TNIK: variants seen among roughly 807,000 people sequenced by gnomAD.
TNIK encodes the protein TRAF2 and NCK interacting kinase.
Under a neutral mutation model 191.3 loss-of-function variants are expected in TNIK, and 49 were observed. The ratio of observed to expected loss-of-function variants is 0.26; its 90% CI spans 0.20 to 0.32. The LOEUF is 0.32. TNIK is among the 10% of genes least tolerant of loss of function. The pLI, the probability that TNIK is intolerant of heterozygous loss-of-function variation, is 1.00. For synonymous variants in TNIK, 594 were observed against 600.9 expected (o/e 0.99, Z 0.17); for missense variants, 1,155 against 1,702.3 (o/e 0.68, Z 5.66).
chr3:171,207,996 T>C (rs1000821446), intron 4 of TNIK, among the ~76,000 whole-genome samples: 2 of 151,828 alleles, frequency 1.3e-5, no homozygotes, highest in African/African-American at 4.8e-5. Context: ...GTGGTAGCAA[T>C]AACAAAAGCA....
intron 2 of TNIK, among the ~76,000 whole-genome samples, chr3:171,231,029 T>G (rs1445826525): frequency 6.6e-6 from 1 of 152,226 alleles, no homozygotes; most frequent in Non-Finnish European, 1.5e-5. Context: ...GACTTTGCAG[T>G]AGATTTTTAA....
intron 12 of TNIK, among the ~76,000 whole-genome samples, chr3:171,146,023 G>A (rs974499479): frequency 1.3e-5 from 2 of 152,184 alleles, no homozygotes; most frequent in African/African-American, 4.8e-5. Flanking sequence ...ATAGTTTTCA[G>A]TGTGATCTCA....
In TNIK at chr3:171,453,901, A is replaced by T. The variant is rs544440379; in HGVS notation, c.57+6106T>A. Among the ~76,000 whole-genome samples, 128 of 152,350 alleles carry T rather than the reference A, an allele frequency of 8.4e-4. 1 individual carries two copies. The highest frequency in any genetic ancestry group is 3.0e-3 in the African/African-American group (125 of 41,574). On this transcript the variant is annotated intron_variant, in intron 1 of 32. Transcript: ENST00000436636. ...AATCATGTTTCTCTAAAGGGAAATA[A>T]GCTTCCAACCAGACTGGAAGGAATC...
intron 1 of TNIK, 43 bp downstream of exon 1, chr3:171,459,964 T>A: frequency 1.6e-6 from 2 of 1,243,288 alleles, no homozygotes; most frequent in Non-Finnish European, 2.2e-6. Context: ...CCATTCACCC[T>A]AACCCAAACC....
Position 171,066,146 on chromosome 3 carries a change from T to A in TNIK, c.3999+41A>T, listed in dbSNP as rs554451612. ...GGTTTCACAGGTACCTGGTGGTCTC[T>A]TAAAATGCAAACACTAATGCAAATG... On this transcript the variant is annotated intron_variant, in intron 32 of 32. Transcript: ENST00000436636. 2.5e-6 allele frequency: 4 copies of A among 1,606,890 alleles called. No individual in the cohort carries two copies. In the South Asian group the frequency reaches 4.4e-5, roughly 18 times the overall value.
At position 171,394,351 on chromosome 3, in the gene TNIK, A is replaced by G. The variant is rs538848033; in HGVS notation, c.58-24666T>C. ...CTTTTAGAATTCTGCTCAAGTATTG[A>G]CTACCTGAAAACTTTCTCTGACACT... On this transcript the variant is annotated intron_variant, in intron 1 of 32. Coordinates refer to ENST00000436636, the MANE Select transcript of TNIK (RefSeq NM_015028.4). 1.3e-5 allele frequency among the ~76,000 whole-genome samples: 2 copies of G among 152,320 alleles called. 1 individual carries two copies. The highest frequency in any genetic ancestry group is 3.9e-4 in the East Asian group (2 of 5,192).
intron 2 of TNIK, among the ~76,000 whole-genome samples, chr3:171,251,042 C>T (rs2109081830): frequency 6.6e-6 from 1 of 152,312 alleles, no homozygotes; most frequent in African/African-American, 2.4e-5. Flanking sequence ...CTCATCTAAA[C>T]AGCAGAAGGA....
intron 2 of TNIK, among the ~76,000 whole-genome samples, chr3:171,267,908 A>G (rs1293089567): frequency 6.6e-6 from 1 of 152,188 alleles, no homozygotes; most frequent in Admixed American, 6.5e-5. Flanking sequence ...ACAATATTCA[A>G]GAAAGACCTC....
At chr3:171,263,639 ATTCT>A (rs1747967010) in intron 2 of TNIK, among the ~76,000 whole-genome samples, 1 of 152,098 alleles carries the variant, frequency 6.6e-6, no homozygotes, top group Non-Finnish European at 1.5e-5. Flanking sequence ...TTTAGGAAAA[ATTCT>A]TTCCTAAAGG....
At chr3:171,165,936 C>T (rs1166915504) in intron 10 of TNIK, among the ~76,000 whole-genome samples, 1 of 152,226 alleles carries the variant, frequency 6.6e-6, no homozygotes, top group Non-Finnish European at 1.5e-5. Flanking sequence ...ATTAAACCTG[C>T]TCCAGACCAT....
At chr3:171,438,765 G>A (rs1726360950) in intron 1 of TNIK, among the ~76,000 whole-genome samples, 1 of 152,176 alleles carries the variant, frequency 6.6e-6, no homozygotes. Context: ...GGGGTTTTGT[G>A]GCTCGATCAG....
intron 17 of TNIK, among the ~76,000 whole-genome samples, chr3:171,125,119 A>G (rs192671084): frequency 2.6e-5 from 4 of 152,338 alleles, no homozygotes; most frequent in Non-Finnish European, 4.4e-5. Flanking sequence ...TTTTCTGCAA[A>G]TTGTGGAACA....
intron 8 of TNIK, among the ~76,000 whole-genome samples, chr3:171,175,800 T>A (rs1412303684): frequency 6.6e-6 from 1 of 152,240 alleles, no homozygotes; most frequent in Non-Finnish European, 1.5e-5. Context: ...TCTACACAGA[T>A]TTTTGGAGTC....
intron 2 of TNIK, among the ~76,000 whole-genome samples, chr3:171,267,702 G>T (rs1748558838): frequency 6.6e-6 from 1 of 152,164 alleles, no homozygotes; most frequent in South Asian, 2.1e-4. Context: ...ATTATCTAGT[G>T]ACTACAGCCT....
intron 18 of TNIK, among the ~76,000 whole-genome samples, chr3:171,113,387 C>T (rs924339544): frequency 2.0e-5 from 3 of 152,218 alleles, no homozygotes; most frequent in Non-Finnish European, 4.4e-5. Context: ...AGGCAGATCA[C>T]GAGGTCAGGA....
At chr3:171,131,230 C>T (rs1051530601) in intron 15 of TNIK, among the ~76,000 whole-genome samples, 1 of 147,144 alleles carries the variant, frequency 6.8e-6, no homozygotes, top group Non-Finnish European at 1.5e-5. Flanking sequence ...CCCAGCTACT[C>T]GGGAGGCTGA....
chr3:171,196,915 C>T (rs1265053817), intron 4 of TNIK, among the ~76,000 whole-genome samples: 5 of 134,846 alleles, frequency 3.7e-5, no homozygotes, highest in East Asian at 2.6e-4. Context: ...CCATCACGCC[C>T]GGCTAATTTT....
intron 9 of TNIK, among the ~76,000 whole-genome samples, chr3:171,173,867 AGG>A (rs1239278403): frequency 3.9e-5 from 6 of 152,120 alleles, no homozygotes; most frequent in Non-Finnish European, 7.4e-5. Context: ...TGTCACTTCC[AGG>A]GAAGAGAACT....
At chr3:171,310,889 A>G (rs1368636875) in intron 2 of TNIK, among the ~76,000 whole-genome samples, 2 of 152,208 alleles carry the variant, frequency 1.3e-5, no homozygotes, top group Non-Finnish European at 2.9e-5. Flanking sequence ...AAAAATATTT[A>G]CTTTTTAATT....
Sources: gnomAD v4.1 joint callset for allele counts (sites outside exome capture counted in the v4.1 genomes callset) on GRCh38, gnomAD v4.1.1 for gene constraint, MANE v1.5 for transcripts, NCBI Gene and HGNC (gene_info 2026-07-23, HGNC 2026-07-21) for gene names.